Variants in POTEE observed in about 807,000 individuals in gnomAD.
The protein encoded by POTEE is ANKRD26-like family C member 1A.
In POTEE, 21 loss-of-function variants were observed where a neutral mutation model predicts 74.2. The ratio of observed to expected loss-of-function variants is 0.28; its 90% confidence interval spans 0.20 to 0.41. POTEE has a LOEUF of 0.41. Among genes scored for constraint, POTEE ranks in the 10% least tolerant of loss-of-function variants. POTEE has a pLI of 1.00. For missense variants in POTEE, 525 were observed against 1,158.6 expected, an observed-to-expected ratio of 0.45 and a Z score of 7.94; for synonymous variants, 211 against 432.8, an observed-to-expected ratio of 0.49 and a Z score of 6.36.
Position 131,226,946 on chromosome 2 carries a change from T to A in POTEE, c.917+17T>A. 1 of 1,610,794 alleles carries A rather than the reference T, an allele frequency of 6.2e-7. No individual in the cohort carries two copies. ...ATATGGAAGGTATAGTTCTTTCTTT[T>A]AATCTGTGTGTTCTAGATGGACAGC... On this transcript the variant is annotated intron_variant, in intron 7 of 17. Coordinates refer to ENST00000683005, the MANE Select transcript of POTEE (RefSeq NM_001083538.3).
intron 9 of POTEE, among the ~76,000 whole-genome samples, chr2:131,231,217 C>G (rs1473333737): frequency 4.7e-5 from 7 of 149,830 alleles, no homozygotes; most frequent in South Asian, 2.2e-4. Context: ...GATTCTCATA[C>G]GAAGCACACA....
chr2:131,235,746 A>G (rs1395333684), intron 9 of POTEE, among the ~76,000 whole-genome samples: 1 of 129,102 alleles, frequency 7.7e-6, no homozygotes, highest in Non-Finnish European at 1.6e-5. Context: ...GTGAGCTGAG[A>G]TTGCGCCACT....
At chr2:131,220,860 C>T (rs1004009706) in intron 4 of POTEE, among the ~76,000 whole-genome samples, 1 of 149,560 alleles carries the variant, frequency 6.7e-6, no homozygotes, top group Admixed American at 6.8e-5. Flanking sequence ...ACTCAGGAGG[C>T]TGAAGCAAGA....
chr2:131,224,403 G>T (rs1317010836), intron 6 of POTEE, among the ~76,000 whole-genome samples: 7 of 146,006 alleles, frequency 4.8e-5, no homozygotes, highest in Admixed American at 1.4e-4. Context: ...TCCAAGAAAA[G>T]TTAAACATGT....
chr2:131,225,555 A>G (rs1700756696), intron 6 of POTEE, among the ~76,000 whole-genome samples: 1 of 130,036 alleles, frequency 7.7e-6, no homozygotes, highest in South Asian at 2.6e-4. Flanking sequence ...CTTTCCAATA[A>G]CATTAATCTG....
chr2:131,213,009 G>GA (rs1395539767), intron 2 of POTEE, among the ~76,000 whole-genome samples: 8 of 150,556 alleles, frequency 5.3e-5, no homozygotes, highest in African/African-American at 2.0e-4. Flanking sequence ...CCCCCAGGCT[G>GA]TAGTACGATG....
chr2:131,258,533 C>T (rs1701623423), intron 16 of POTEE, among the ~76,000 whole-genome samples: 1 of 151,108 alleles, frequency 6.6e-6, no homozygotes, highest in Non-Finnish European at 1.5e-5. Flanking sequence ...TTTTCTTGTT[C>T]ACTTTTTTCT....
intron 4 of POTEE, among the ~76,000 whole-genome samples, chr2:131,220,182 A>G (rs1700574200): frequency 1.3e-5 from 2 of 151,912 alleles, no homozygotes; most frequent in African/African-American, 2.4e-5. Flanking sequence ...ACAAATGCCT[A>G]TTTATATATG....
At chr2:131,210,628 C>G (rs1234678306) in intron 1 of POTEE, among the ~76,000 whole-genome samples, 1 of 151,798 alleles carries the variant, frequency 6.6e-6, no homozygotes, top group Non-Finnish European at 1.5e-5. Flanking sequence ...CCGCCCACAC[C>G]CCATGCTCTG....
chr2:131,210,559 G>C (rs552126309), intron 1 of POTEE, among the ~76,000 whole-genome samples: 3 of 152,154 alleles, frequency 2.0e-5, no homozygotes, highest in South Asian at 4.1e-4. Context: ...GTTCCTGCTC[G>C]TGCAATCTTG....
At chr2:131,231,064 T>G (rs1700938729) in intron 9 of POTEE, among the ~76,000 whole-genome samples, 158 bp downstream of exon 9, 1 of 151,716 alleles carries the variant, frequency 6.6e-6, no homozygotes, top group South Asian at 2.1e-4. Context: ...CTACTTTATA[T>G]TATTATCACA....
intron 16 of POTEE, among the ~76,000 whole-genome samples, chr2:131,257,193 T>TC (rs1201607545): frequency 2.1e-5 from 2 of 94,434 alleles, no homozygotes; most frequent in Non-Finnish European, 2.2e-5. Flanking sequence ...TATCTGTCTG[T>TC]TGTTATTGTG....
intron 6 of POTEE, among the ~76,000 whole-genome samples, chr2:131,226,138 C>G (rs1236348626): frequency 6.6e-6 from 1 of 151,750 alleles, no homozygotes; most frequent in Non-Finnish European, 1.5e-5. Context: ...TCCAGTGTGT[C>G]TCTTAAGTAT....
At chr2:131,233,130 T>C (rs911518736) in intron 9 of POTEE, among the ~76,000 whole-genome samples, 32 of 152,086 alleles carry the variant, frequency 2.1e-4, no homozygotes, top group African/African-American at 7.7e-4. Flanking sequence ...CTGCAGGGGC[T>C]CATTGGAGAA....
chr2:131,258,681 T>C (rs1701628395), intron 16 of POTEE, among the ~76,000 whole-genome samples: 1 of 140,270 alleles, frequency 7.1e-6, no homozygotes, highest in Non-Finnish European at 1.6e-5. Flanking sequence ...GATCATTTTA[T>C]TTTCAAACAA....
At chr2:131,225,090 G>A (rs1489475895) in intron 6 of POTEE, among the ~76,000 whole-genome samples, 2 of 152,176 alleles carry the variant, frequency 1.3e-5, no homozygotes, top group African/African-American at 2.4e-5. Context: ...TCATGTGGGT[G>A]AGAAATGAGA....
chr2:131,258,671 GATC>G (rs1701628017), intron 16 of POTEE, among the ~76,000 whole-genome samples: 1 of 141,360 alleles, frequency 7.1e-6, no homozygotes, highest in South Asian at 2.3e-4. Flanking sequence ...AAATTTACGA[GATC>G]ATTTTATTTT....
chr2:131,222,967 A>G (rs1476082773), intron 4 of POTEE, among the ~76,000 whole-genome samples: 1 of 151,892 alleles, frequency 6.6e-6, no homozygotes, highest in African/African-American at 2.4e-5. Context: ...TCAATAAGAG[A>G]ATTATTTAAA....
At chr2:131,260,173 A>G (rs1456966574) in intron 16 of POTEE, among the ~76,000 whole-genome samples, 2 of 148,272 alleles carry the variant, frequency 1.3e-5, no homozygotes, top group South Asian at 2.1e-4. Context: ...CCATTGATCT[A>G]TGTATCTGTT....
Sources: allele counts gnomAD v4.1 joint callset (sites outside exome capture counted in the v4.1 genomes callset), GRCh38; gene constraint gnomAD v4.1.1; transcripts MANE v1.5; gene names NCBI Gene and HGNC (gene_info 2026-07-23, HGNC 2026-07-21).